Variants in HSCB observed in about 807,000 individuals in gnomAD.
HSCB encodes HscB mitochondrial iron-sulfur cluster cochaperone.
A neutral mutation model predicts 31.3 loss-of-function variants in HSCB; 23 were observed. The ratio of observed to expected loss-of-function variants is 0.74; its 90% CI spans 0.53 to 1.04. The LOEUF (loss-of-function observed/expected upper bound fraction) is 1.04. Ranked by LOEUF, HSCB falls within the 50% of genes least tolerant of loss-of-function variation. The pLI, the probability that HSCB is intolerant of heterozygous loss-of-function variation, is 0.00. For synonymous variants in HSCB, 110 were observed against 104.5 expected, an observed-to-expected ratio of 1.05 and a Z score of -0.32; for missense variants, 297 against 288.1, an observed-to-expected ratio of 1.03 and a Z score of -0.22.
chr22:28,752,555 A>G (rs2146221609), intron 5 of HSCB, among the ~76,000 whole-genome samples: 1 of 150,858 alleles, frequency 6.6e-6, no homozygotes, highest in Non-Finnish European at 1.5e-5. Context: ...TAACACAGTG[A>G]AACCCTGTCT....
rs1047950954 is a variant in HSCB at position 28,757,304 on chromosome 22, G to A, written c.*135G>A. On this transcript the variant is annotated 3_prime_UTR_variant, in exon 6 of 6. Coordinates refer to ENST00000216027, the MANE Select transcript of HSCB (RefSeq NM_172002.5). Reference sequence around the variant, plus strand: ...GTTCAAGACCAGCTTGGCCAACATAGTGAAACCCCGTCTCTGCTGAAAATA... The same window carrying A: ...GTTCAAGACCAGCTTGGCCAACATAATGAAACCCCGTCTCTGCTGAAAATA... 1.2e-5 allele frequency: 6 copies of A among 507,184 alleles called. No individual in the cohort carries two copies. Among genetic ancestry groups the A allele is most frequent in the African/African-American group, 5.9e-5 (3 of 50,772 alleles). The allele number at this position is 507,184 out of a possible 1,614,324, so 31.4% of individuals were successfully genotyped here. A position where few individuals can be genotyped will look rare whatever the true frequency, so the allele number is the denominator to read the frequency against.
intron 4 of HSCB, among the ~76,000 whole-genome samples, chr22:28,750,945 C>CTTTTTTTTTTTGTTTTTTTTTTTTTTT (rs2030190014): frequency 1.8e-5 from 1 of 56,452 alleles, no homozygotes; most frequent in Non-Finnish European, 3.2e-5. Context: ...ATATCTTTGT[C>CTTTTTTTTTTTGTTTTTTTTTTTTTTT]TTTTTTTTTT....
intron 3 of HSCB, 24 bp downstream of exon 3, chr22:28,744,728 T>C (rs781204496): frequency 1.9e-6 from 3 of 1,558,660 alleles, no homozygotes; most frequent in Admixed American, 1.7e-5. Flanking sequence ...CCAACACTTC[T>C]GTGTATGACG....
intron 2 of HSCB, 150 bp downstream of exon 2, chr22:28,744,128 C>G (rs1446937005): frequency 2.9e-6 from 2 of 682,670 alleles, no homozygotes; most frequent in Non-Finnish European, 5.2e-6. Flanking sequence ...AGACCCAGAG[C>G]TGCCATTCAC....
At chr22:28,748,950 G>C (rs9625554) in intron 4 of HSCB, among the ~76,000 whole-genome samples, 1 of 151,940 alleles carries the variant, frequency 6.6e-6, no homozygotes, top group Non-Finnish European at 1.5e-5. Context: ...GACTAGCCTA[G>C]TCAACATAGC....
Position 28,757,374 on chromosome 22 carries a change from A to G in HSCB, c.*205A>G, listed in dbSNP as rs1267162804. The G allele has an allele frequency of 9.7e-6, 4 of 412,680 alleles. No individual in the cohort carries two copies. Among genetic ancestry groups the G allele is most frequent in the African/African-American group, 2.1e-5 (1 of 48,726 alleles). 25.6% of individuals were successfully genotyped at this position (412,680 alleles called of 1,614,324 possible). On this transcript the variant is annotated 3_prime_UTR_variant, in exon 6 of 6. Coordinates refer to ENST00000216027, the MANE Select transcript of HSCB (RefSeq NM_172002.5). ...GTGGCGCGTGCCTGTAATCCCAGCT[A>G]CTTGGTAGGCCGAGGCAGGAGAATC...
At chr22:28,748,000 A>G (rs1327601487) in intron 4 of HSCB, among the ~76,000 whole-genome samples, 2 of 152,156 alleles carry the variant, frequency 1.3e-5, no homozygotes, top group East Asian at 3.9e-4. Context: ...CCTGGGTAAC[A>G]TGATGAAACC....
intron 1 of HSCB, 52 bp downstream of exon 1, chr22:28,742,383 C>A (rs2054584434): frequency 1.3e-6 from 2 of 1,594,438 alleles, no homozygotes; most frequent in Non-Finnish European, 8.6e-7. Flanking sequence ...ACGTCGAGGT[C>A]TGGCCTGCGA....
intron 4 of HSCB, among the ~76,000 whole-genome samples, chr22:28,749,057 C>T (rs2030036682): frequency 1.3e-5 from 2 of 151,932 alleles, no homozygotes; most frequent in Non-Finnish European, 1.5e-5. Flanking sequence ...AGAAGGATCA[C>T]TTGAGCCCAG....
chr22:28,755,379 C>T (rs1316598333), intron 5 of HSCB, among the ~76,000 whole-genome samples: 4 of 151,682 alleles, frequency 2.6e-5, no homozygotes, highest in Non-Finnish European at 4.4e-5. Flanking sequence ...CACTGCACTC[C>T]GGCCTGGGTG....
chr22:28,750,943 G>GTTTTTTTTTTTTTTTTTT (rs1202821377), intron 4 of HSCB, among the ~76,000 whole-genome samples: 4 of 62,030 alleles, frequency 6.4e-5, no homozygotes, highest in South Asian at 8.8e-4. Context: ...GTATATCTTT[G>GTTTTTTTTTTTTTTTTTT]TCTTTTTTTT....
chr22:28,745,608 A>G (rs17883953), intron 3 of HSCB: 11 of 295,186 alleles, frequency 3.7e-5, no homozygotes, highest in Non-Finnish European at 6.8e-5. Flanking sequence ...CTTTACAAAC[A>G]TCTAGTTCAA....
chr22:28,751,678 G>A (rs1047408148), intron 5 of HSCB, among the ~76,000 whole-genome samples: 10 of 151,266 alleles, frequency 6.6e-5, no homozygotes, highest in Admixed American at 2.6e-4. Context: ...CCAGGGAGGC[G>A]GAAGTTGGAG....
chr22:28,744,388 C>G (rs906101730), intron 2 of HSCB, among the ~76,000 whole-genome samples: 3 of 152,154 alleles, frequency 2.0e-5, no homozygotes, highest in Non-Finnish European at 4.4e-5. Context: ...CCTGTCTCTA[C>G]TAAAAATATA....
chr22:28,742,486 T>C, intron 1 of HSCB, 155 bp downstream of exon 1: 1 of 1,323,098 alleles, frequency 7.6e-7, no homozygotes, highest in Non-Finnish European at 1.0e-6. Context: ...TGTCTTGATT[T>C]CTCAGGAGGA....
rs149324696 is a variant in HSCB at position 28,747,924 on chromosome 22, G to A, written c.568+1916G>A. On this transcript the variant is annotated intron_variant, in intron 4 of 5. Transcript: ENST00000216027. ...TCTTAGGCTGGGTGCAGTGGCTCACGCCTGTAATCCCAGCACTTTGGGAGG... is the reference window on the plus strand; with the variant it reads ...TCTTAGGCTGGGTGCAGTGGCTCACACCTGTAATCCCAGCACTTTGGGAGG... 7.6e-3 allele frequency among the ~76,000 whole-genome samples: 1,159 copies of A among 151,924 alleles called. 16 individuals are homozygous for A. Among genetic ancestry groups the A allele is most frequent in the African/African-American group, 0.027 (1,118 of 41,380 alleles).
chr22:28,750,014 C>T (rs6005857), intron 4 of HSCB, among the ~76,000 whole-genome samples: 10,660 of 151,942 alleles, frequency 0.07, 452 homozygotes, highest in East Asian at 0.17. Context: ...CTTTGGGAGG[C>T]TGAGATGGGC....
intron 5 of HSCB, among the ~76,000 whole-genome samples, chr22:28,753,404 T>C (rs1228376963): frequency 6.6e-6 from 1 of 151,746 alleles, no homozygotes; most frequent in Non-Finnish European, 1.5e-5. Flanking sequence ...GGCGGGCGCC[T>C]GTAATCCCAG....
chr22:28,745,730 C>A (rs1674036284), intron 3 of HSCB, 134 bp from the exon 4 acceptor site: 1 of 676,890 alleles, frequency 1.5e-6, no homozygotes, highest in African/African-American at 1.8e-5. Context: ...GCTTTTGATA[C>A]CCCTTAGTCT....
Sources: gnomAD v4.1 joint callset for allele counts (sites outside exome capture counted in the v4.1 genomes callset) on GRCh38, gnomAD v4.1.1 for gene constraint, MANE v1.5 for transcripts, NCBI Gene and HGNC (gene_info 2026-07-23, HGNC 2026-07-21) for gene names.